COL4A2: variants seen among roughly 807,000 people sequenced by gnomAD.
The protein encoded by COL4A2 is collagen type IV alpha 2 chain, also known as collagen alpha-2(IV) chain.
In COL4A2, 99 loss-of-function variants were observed where a neutral mutation model predicts 200.2. That is an observed-to-expected ratio of 0.49 (90% confidence interval 0.42 to 0.58). The LOEUF is 0.58. Among genes scored for constraint, COL4A2 ranks in the 20% least tolerant of loss-of-function variants. The pLI is 0.00. For missense variants in COL4A2, 1,950 were observed against 2,314.1 expected, an observed-to-expected ratio of 0.84 and a Z score of 3.23; for synonymous variants, 897 against 900.6, an observed-to-expected ratio of 1.00 and a Z score of 0.07.
intron 18 of COL4A2, among the ~76,000 whole-genome samples, chr13:110,448,876 G>A (rs964538490): frequency 1.3e-4 from 20 of 152,218 alleles, no homozygotes; most frequent in African/African-American, 2.2e-4. Flanking sequence ...AGCGCAGGGC[G>A]TTGAGTTCCT....
intron 18 of COL4A2, among the ~76,000 whole-genome samples, chr13:110,449,212 A>G (rs1881440347): frequency 6.6e-6 from 1 of 152,240 alleles, no homozygotes; most frequent in Non-Finnish European, 1.5e-5. Context: ...TCTACAGTAA[A>G]GCGTTGCTAT....
intron 39 of COL4A2, among the ~76,000 whole-genome samples, chr13:110,494,531 A>G (rs112014735): frequency 0.023 from 3,531 of 151,984 alleles, 142 homozygotes; most frequent in African/African-American, 0.079. Flanking sequence ...TTTTCTTTTC[A>G]ATTTATACAA....
In COL4A2 at chr13:110,512,628, A is replaced by C; in HGVS notation, c.*437A>C. ...CAGGGCCTCAGGCACCCGTCCCCAC[A>C]CGAGGGCCCCGTGGGTGGGCCTGGC... On this transcript the variant is annotated 3_prime_UTR_variant, in exon 48 of 48. Coordinates refer to ENST00000360467, the MANE Select transcript of COL4A2 (RefSeq NM_001846.4). 1 of 178,132 alleles carries C rather than the reference A, an allele frequency of 5.6e-6. No homozygotes were observed. Among genetic ancestry groups the C allele is most frequent in the East Asian group, 1.8e-4 (1 of 5,684 alleles). The allele number at this position is 178,132 out of a possible 1,614,324, so 11.0% of individuals were successfully genotyped here. A position where few individuals can be genotyped will look rare whatever the true frequency, so the allele number is the denominator to read the frequency against.
intron 14 of COL4A2, 156 bp from the exon 15 acceptor site, chr13:110,438,462 T>A: frequency 1.0e-6 from 1 of 974,264 alleles, no homozygotes; most frequent in Non-Finnish European, 1.7e-6. Flanking sequence ...CCTAGGACCG[T>A]GCCCTGCACT....
intron 4 of COL4A2, among the ~76,000 whole-genome samples, chr13:110,364,368 TCCAAAC>T (rs1199535647): frequency 1.3e-5 from 2 of 152,186 alleles, no homozygotes; most frequent in Non-Finnish European, 2.9e-5. Context: ...GTGGGTGAGC[TCCAAAC>T]TGGCCCATTA....
Position 110,445,872 on chromosome 13 carries a change from G to A in COL4A2, c.1001G>A (p.Arg334Gln), listed in dbSNP as rs201833952. ...LDGYQGPDGP[R>Q]GPKGEAGDPG... ...GGCTATCAAGGGCCTGATGGACCCCGGGGACCCAAGGTGAGCCCGTTTCTC... is the reference window on the plus strand; with the variant it reads ...GGCTATCAAGGGCCTGATGGACCCCAGGGACCCAAGGTGAGCCCGTTTCTC... The change falls in exon 17 of 48, where the codon CGG becomes CAG. Residue 334 changes from arginine to glutamine, a missense_variant. This residue lies in a region of COL4A2 where 565 missense variants were observed against 593.5 expected (regional missense o/e 0.95). Transcript: ENST00000360467. The A allele has an allele frequency of 5.8e-5, 94 of 1,614,004 alleles. No homozygotes were observed. In the Middle Eastern group the frequency reaches 1.8e-3, roughly 31 times the overall value.
At chr13:110,458,443 T>A (rs1881867018) in intron 21 of COL4A2, among the ~76,000 whole-genome samples, 1 of 152,228 alleles carries the variant, frequency 6.6e-6, no homozygotes, top group Non-Finnish European at 1.5e-5. Flanking sequence ...GTGGCAATCT[T>A]CAGCTCTAAG....
At chr13:110,404,803 C>T (rs1879502781) in intron 4 of COL4A2, among the ~76,000 whole-genome samples, 1 of 152,180 alleles carries the variant, frequency 6.6e-6, no homozygotes, top group Admixed American at 6.5e-5. Flanking sequence ...GACCTAGCGC[C>T]TCTGGGAGAC....
rs1391158109 is a variant in COL4A2 at position 110,446,940 on chromosome 13, C to A, written c.1078+76C>A. 6.5e-6 allele frequency: 8 copies of A among 1,238,050 alleles called. No homozygotes were observed. The Admixed American group carries it at 1.4e-4, about 21-fold the overall frequency. 76.7% of individuals were successfully genotyped at this position (1,238,050 alleles called of 1,614,324 possible). Reference sequence around the variant, plus strand: ...CCTGTTAGGGACACAGAGCTATGAACTTTCAAGACAGATATTCTAAGCAAC... The same window carrying A: ...CCTGTTAGGGACACAGAGCTATGAAATTTCAAGACAGATATTCTAAGCAAC... On this transcript the variant is annotated intron_variant, in intron 18 of 47. Coordinates refer to ENST00000360467, the MANE Select transcript of COL4A2 (RefSeq NM_001846.4).
intron 3 of COL4A2, among the ~76,000 whole-genome samples, chr13:110,351,745 G>A (rs1233264939): frequency 6.6e-6 from 1 of 152,158 alleles, no homozygotes; most frequent in Non-Finnish European, 1.5e-5. Context: ...CTCCAGGTTG[G>A]TGTGTGATGA....
intron 4 of COL4A2, among the ~76,000 whole-genome samples, chr13:110,372,477 T>C (rs1878055996): frequency 6.6e-6 from 1 of 152,226 alleles, no homozygotes; most frequent in South Asian, 2.1e-4. Flanking sequence ...TGTGTTATTT[T>C]TTAATAAAAA....
At chr13:110,397,345 G>T (rs1879215291) in intron 4 of COL4A2, among the ~76,000 whole-genome samples, 3 of 152,160 alleles carry the variant, frequency 2.0e-5, no homozygotes, top group Admixed American at 2.0e-4. Context: ...CATCACTCTG[G>T]GTCCCTGTCA....
At position 110,459,800 on chromosome 13, in the gene COL4A2, C is replaced by A. The variant is rs1410583329; in HGVS notation, c.1596+866C>A. On this transcript the variant is annotated intron_variant, in intron 22 of 47. Transcript: ENST00000360467. Reference sequence around the variant, plus strand: ...CATTATTTATTTATCGAACATTCGCCTTCTGAAGTTTAGCAAGAACTGATT... The same window carrying A: ...CATTATTTATTTATCGAACATTCGCATTCTGAAGTTTAGCAAGAACTGATT... 5.9e-5 allele frequency: 9 copies of A among 152,312 alleles called. No individual in the cohort carries two copies. In the East Asian group the frequency reaches 1.7e-3, roughly 29 times the overall value. 9.4% of individuals were successfully genotyped at this position (152,312 alleles called of 1,614,324 possible).
At chr13:110,454,905 C>T (rs1881665280) in intron 20 of COL4A2, among the ~76,000 whole-genome samples, 1 of 152,108 alleles carries the variant, frequency 6.6e-6, no homozygotes, top group South Asian at 2.1e-4. Context: ...TCTGGGCCTC[C>T]TCCGTCCCCA....
At chr13:110,413,717 G>A (rs993859071) in intron 4 of COL4A2, among the ~76,000 whole-genome samples, 1 of 152,202 alleles carries the variant, frequency 6.6e-6, no homozygotes, top group African/African-American at 2.4e-5. Flanking sequence ...ACAGTGGCTT[G>A]GGGGCAAGGC....
intron 4 of COL4A2, among the ~76,000 whole-genome samples, chr13:110,404,886 C>T (rs1879505326): frequency 1.3e-5 from 2 of 152,182 alleles, no homozygotes; most frequent in South Asian, 2.1e-4. Flanking sequence ...AATGCCAGCA[C>T]TTTGGGAGGC....
chr13:110,493,369 G>T (rs2139538919), intron 39 of COL4A2, 87 bp downstream of exon 39: 1 of 1,415,222 alleles, frequency 7.1e-7, no homozygotes, highest in South Asian at 1.2e-5. Context: ...AGACTTCAGG[G>T]AATGGAGGGT....
At chr13:110,430,751 A>C in intron 10 of COL4A2, 144 bp downstream of exon 10, 1 of 1,130,440 alleles carries the variant, frequency 8.8e-7, no homozygotes, top group Non-Finnish European at 1.3e-6. Context: ...ATCAAGACAA[A>C]ACGGACCATT....
intron 4 of COL4A2, among the ~76,000 whole-genome samples, chr13:110,385,469 C>T (rs111942473): frequency 5.5e-4 from 44 of 80,312 alleles, no homozygotes; most frequent in East Asian, 7.8e-4. Context: ...GTGGATAGGC[C>T]GTGGTTACAG....
Sources: allele counts gnomAD v4.1 joint callset (sites outside exome capture counted in the v4.1 genomes callset), GRCh38; gene constraint gnomAD v4.1.1; regional missense constraint gnomAD v4.1.1; transcripts MANE v1.5; gene names NCBI Gene and HGNC (gene_info 2026-07-23, HGNC 2026-07-21).